ATAD3B: variants seen among roughly 807,000 people sequenced by gnomAD.
ATAD3B encodes the protein ATPase family AAA domain containing 3B.
In ATAD3B, 59 loss-of-function variants were observed where a neutral mutation model predicts 70.2. That is an observed-to-expected ratio of 0.84 (90% CI 0.68 to 1.04). ATAD3B has a LOEUF of 1.04. Ranked by LOEUF, ATAD3B falls within the 50% of genes least tolerant of loss-of-function variation. The pLI, the probability that ATAD3B is intolerant of heterozygous loss-of-function variation, is 0.00. For missense variants in ATAD3B, 961 were observed against 913.4 expected (o/e 1.05, Z -0.67); for synonymous variants, 423 against 388.6 (o/e 1.09, Z -1.04).
At chr1:1,485,215 G>C in intron 8 of ATAD3B, 44 bp downstream of exon 8, 2 of 1,602,964 alleles carry the variant, frequency 1.2e-6, no homozygotes, top group Non-Finnish European at 1.7e-6. Context: ...GTTCCTGGCT[G>C]AGTCCCTTCT....
chr1:1,480,426 A>G (rs1341369353), intron 4 of ATAD3B, among the ~76,000 whole-genome samples: 1 of 146,472 alleles, frequency 6.8e-6, no homozygotes, highest in Non-Finnish European at 1.5e-5. Context: ...TGGGTCTATG[A>G]GAAAAGCTTG....
At position 1,496,044 on chromosome 1, in the gene ATAD3B, G is replaced by T; in HGVS notation, c.*227G>T. 2.3e-6 allele frequency: 3 copies of T among 1,319,340 alleles called. No individual in the cohort carries two copies. The highest frequency in any genetic ancestry group is 2.9e-6 in the Non-Finnish European group (3 of 1,034,114). 81.7% of individuals were successfully genotyped at this position (1,319,340 alleles called of 1,614,324 possible). ...AGCCAGGTGAGGGGGGGCCTGCCAG[G>T]ACTAGACAGAAGTGGGGCGGCCTGA... On this transcript the variant is annotated 3_prime_UTR_variant, in exon 16 of 16. Coordinates refer to ENST00000673477, the MANE Select transcript of ATAD3B (RefSeq NM_031921.6).
Position 1,490,641 on chromosome 1 carries a change from G to C in ATAD3B, c.1584G>C (p.Arg528=). ...VARLTEGMSG[R]EIAQLAVSWQ... ...GGCTGACGGAGGGCATGTCGGGCCG[G>C]GAGATCGCTCAGCTGGCCGTGTCCT... Residue 528 remains arginine (R), a synonymous_variant, in exon 15 of 16, where the codon CGG becomes CGC. Transcript: ENST00000673477. The C allele has an allele frequency of 6.2e-7, 1 of 1,603,784 alleles. No individual in the cohort carries two copies.
At chr1:1,507,301 G>C in the ATAD3B span, among the ~76,000 whole-genome samples, 1 of 152,166 alleles carries the variant, frequency 6.6e-6, no homozygotes, top group Non-Finnish European at 1.5e-5. Flanking sequence ...TATGTCACCT[G>C]TGGGCTTGTG....
chr1:1,500,865 G>A (rs1489759944), downstream of ATAD3B, among the ~76,000 whole-genome samples: 2 of 151,906 alleles, frequency 1.3e-5, no homozygotes, highest in East Asian at 3.9e-4. Context: ...GCTGAGGCAG[G>A]AGAATGGCAT....
At chr1:1,504,536 G>C in the ATAD3B span, among the ~76,000 whole-genome samples, 1 of 151,954 alleles carries the variant, frequency 6.6e-6, no homozygotes, top group Non-Finnish European at 1.5e-5. Context: ...TGTAATCCCA[G>C]CTACTCAGGA....
intron 1 of ATAD3B, among the ~76,000 whole-genome samples, chr1:1,473,127 G>A (rs1639416645): frequency 7.1e-6 from 1 of 141,842 alleles, no homozygotes; most frequent in African/African-American, 2.7e-5. Flanking sequence ...CCAGACAGAA[G>A]GGATTCCTTT....
At chr1:1,493,183 T>TACC (rs1640622964) in intron 15 of ATAD3B, among the ~76,000 whole-genome samples, 1 of 151,908 alleles carries the variant, frequency 6.6e-6, no homozygotes, top group Admixed American at 6.6e-5. Context: ...ACACATAAGA[T>TACC]TATGTCACCT....
At chr1:1,480,738 G>C in intron 4 of ATAD3B, 129 bp from the exon 5 acceptor site, 1 of 1,501,050 alleles carries the variant, frequency 6.7e-7, no homozygotes, top group Non-Finnish European at 8.9e-7. Flanking sequence ...AGGGTGCGGC[G>C]TCTGCAGGTC....
intron 1 of ATAD3B, among the ~76,000 whole-genome samples, chr1:1,472,926 G>C (rs1639403466): frequency 6.7e-6 from 1 of 149,940 alleles, no homozygotes; most frequent in South Asian, 2.1e-4. Flanking sequence ...CTCCGCCTCC[G>C]ATTCTCCTGC....
intron 4 of ATAD3B, 80 bp from the exon 5 acceptor site, chr1:1,480,787 G>C: frequency 1.3e-6 from 2 of 1,582,306 alleles, no homozygotes; most frequent in Non-Finnish European, 1.7e-6. Context: ...GTGGTCCTGG[G>C]GCGGACGCAA....
At chr1:1,504,844 C>A in the ATAD3B span, among the ~76,000 whole-genome samples, 4 of 152,056 alleles carry the variant, frequency 2.6e-5, no homozygotes, top group Non-Finnish European at 4.4e-5. Context: ...ACTCTGGTGT[C>A]CCTTACAAGG....
downstream of ATAD3B, among the ~76,000 whole-genome samples, chr1:1,500,599 AGTCT>A (rs1640921929): frequency 6.7e-6 from 1 of 149,958 alleles, no homozygotes; most frequent in Admixed American, 6.6e-5. Context: ...GACTTCATTC[AGTCT>A]AATATATATA....
chr1:1,504,447 C>G, the ATAD3B span, among the ~76,000 whole-genome samples: 1 of 151,808 alleles, frequency 6.6e-6, no homozygotes, highest in Non-Finnish European at 1.5e-5. Flanking sequence ...GTTGGGAGTT[C>G]GAGACCAGCC....
chr1:1,491,400 G>A (rs1640532329), intron 15 of ATAD3B, among the ~76,000 whole-genome samples: 1 of 151,980 alleles, frequency 6.6e-6, no homozygotes, highest in African/African-American at 2.4e-5. Context: ...GTTTGGTGGT[G>A]CATGCCTGTT....
At chr1:1,492,762 ACC>A (rs770291265) in intron 15 of ATAD3B, among the ~76,000 whole-genome samples, 13 of 151,610 alleles carry the variant, frequency 8.6e-5, no homozygotes, top group Non-Finnish European at 1.5e-4. Context: ...ACATGGTGAA[ACC>A]CCATCTCTAC....
chr1:1,475,793 G>C (rs1349568572), intron 1 of ATAD3B, among the ~76,000 whole-genome samples: 1 of 151,728 alleles, frequency 6.6e-6, no homozygotes, highest in East Asian at 1.9e-4. Context: ...TCTAATAACC[G>C]AGAGGCCACA....
intron 12 of ATAD3B, among the ~76,000 whole-genome samples, chr1:1,488,767 AAGC>A (rs1327992112): frequency 6.6e-6 from 1 of 151,960 alleles, no homozygotes; most frequent in Non-Finnish European, 1.5e-5. Flanking sequence ...TCAAAAAAAA[AAGC>A]GAGAGATTTG....
the ATAD3B span, chr1:1,503,559 G>A: frequency 2.8e-5 from 45 of 1,599,782 alleles, no homozygotes; most frequent in African/African-American, 2.3e-4. Flanking sequence ...CCTAACACCC[G>A]CCCTCTGTGC....
Sources: gnomAD v4.1 joint callset for allele counts (sites outside exome capture counted in the v4.1 genomes callset) on GRCh38, gnomAD v4.1.1 for gene constraint, MANE v1.5 for transcripts, NCBI Gene and HGNC (gene_info 2026-07-23, HGNC 2026-07-21) for gene names.